ZNF48: variants seen among roughly 807,000 people sequenced by gnomAD.
ZNF48 encodes the protein zinc finger protein 553.
ZNF48 carries 20 observed loss-of-function variants against 40.0 expected under a neutral mutation model. That is an observed-to-expected ratio of 0.50 (90% CI 0.35 to 0.73). The LOEUF (loss-of-function observed/expected upper bound fraction) is 0.73. Among genes scored for constraint, ZNF48 ranks in the 30% least tolerant of loss-of-function variants. ZNF48 has a pLI of 0.01. For synonymous variants in ZNF48, 298 were observed against 329.7 expected (o/e 0.90, Z 1.04); for missense variants, 726 against 851.9 (o/e 0.85, Z 1.84).
Position 30,398,404 on chromosome 16 carries a change from A to G in ZNF48, c.1154A>G (p.Gln385Arg). ...LRHRLTHMEP[Q>R]DFSFPGYPLP... The stretch of plus-strand genomic sequence containing the variant: ...CACCGCCTCACTCACATGGAGCCCC[A>G]GGACTTCAGCTTCCCAGGCTATCCC... The change falls in exon 3 of 3, where the codon CAG (glutamine) becomes CGG (arginine). Residue 385 changes from glutamine (Q) to arginine (R), a missense_variant. Physicochemically the swap from Gln to Arg is conservative, Grantham distance 43. Around this residue, in one of 5 missense-constraint regions of ZNF48, gnomAD observed 378 missense variants for 449.1 expected, o/e 0.84. Coordinates refer to ENST00000613509, the MANE Select transcript of ZNF48 (RefSeq NM_001214909.2). The surrounding 1 kb of genome is among the most constrained non-coding windows in gnomAD (Gnocchi z 6.6). The G allele has an allele frequency of 6.2e-7, 1 of 1,610,094 alleles. No homozygotes were observed. The highest frequency in any genetic ancestry group is 8.5e-7 in the Non-Finnish European group (1 of 1,177,250).
chr16:30,390,028 C>T (rs1480523665), intron 1 of ZNF48, among the ~76,000 whole-genome samples: 2 of 151,412 alleles, frequency 1.3e-5, no homozygotes, highest in Non-Finnish European at 2.9e-5. Context: ...ACTATGTTGG[C>T]CAGGCTGGTC....
At position 30,382,558 on chromosome 16, in the gene ZNF48, C is replaced by G. The variant is rs776208060; in HGVS notation, c.-16+4148C>G. The G allele has an allele frequency of 6.3e-7, 1 of 1,587,580 alleles. No homozygotes were observed. The highest frequency in any genetic ancestry group is 1.1e-5 in the South Asian group (1 of 87,310). ...CGCCAGCCATCACTGCACCTGCCGT[C>G]TCTCCCCACTTCCTCTGGTGGGGCA... is the stretch of plus-strand genomic sequence containing the variant. On this transcript the variant is annotated intron_variant, in intron 1 of 2. Coordinates refer to the ZNF48 transcript ENST00000528032. This position sits in a 1 kb window ranked among gnomAD's most constrained non-coding sequence, Gnocchi z 4.8.
In ZNF48 at chr16:30,381,215, C is replaced by G; in HGVS notation, c.-16+2805C>G. 5 of 1,613,958 alleles carry G rather than the reference C, an allele frequency of 3.1e-6. No individual in the cohort carries two copies. The highest frequency in any genetic ancestry group is 2.2e-5 in the East Asian group (1 of 44,882). On this transcript the variant is annotated intron_variant, in intron 1 of 2. Transcript: ENST00000528032. This position sits in a 1 kb window ranked among gnomAD's most constrained non-coding sequence, Gnocchi z 4.3. ...GATGTTGACTTTCTCGTGTACTGCC[C>G]GGAGGAAGGCCACATCTAGGGGCCG...
intron 1 of ZNF48, among the ~76,000 whole-genome samples, chr16:30,387,902 A>G (rs748097450): frequency 5.3e-5 from 8 of 152,030 alleles, no homozygotes; most frequent in Non-Finnish European, 1.0e-4. Flanking sequence ...TTATATTTAT[A>G]AAAATAGGGT....
Position 30,399,279 on chromosome 16 carries a change from C to A in ZNF48, c.*172C>A. Reference sequence around the variant, plus strand: ...TAACCTTGAAGCTCAGGAAACTGTCCTGGCTGGGCTGAGTCAGGACCTTGC... The same window carrying A: ...TAACCTTGAAGCTCAGGAAACTGTCATGGCTGGGCTGAGTCAGGACCTTGC... On this transcript the variant is annotated 3_prime_UTR_variant, in exon 3 of 3. Coordinates refer to ENST00000613509, the MANE Select transcript of ZNF48 (RefSeq NM_001214909.2). 1 of 704,590 alleles carries A rather than the reference C, an allele frequency of 1.4e-6. No individual in the cohort carries two copies. The highest frequency in any genetic ancestry group is 2.2e-6 in the Non-Finnish European group (1 of 446,642). 43.6% of individuals were successfully genotyped at this position (704,590 alleles called of 1,614,324 possible).
At chr16:30,380,792 G>C (rs2049834819) in intron 1 of ZNF48, 2 of 314,586 alleles carry the variant, frequency 6.4e-6, no homozygotes, top group African/African-American at 2.2e-5. Flanking sequence ...GAGAGAAAGA[G>C]AGGCCGAGAG....
At position 30,398,357 on chromosome 16, in the gene ZNF48, C is replaced by A; in HGVS notation, c.1107C>A (p.Ser369Arg). 6.2e-7 allele frequency: 1 copy of A among 1,613,352 alleles called. No homozygotes were observed. Among genetic ancestry groups the A allele is most frequent in the Non-Finnish European group, 8.5e-7 (1 of 1,179,872 alleles). The change falls in exon 3 of 3, where the codon AGC (serine) becomes AGA (arginine). Residue 369 changes from serine to arginine, a missense_variant. This residue lies in a region of ZNF48 where 378 missense variants were observed against 449.1 expected (regional missense o/e 0.84). Transcript: ENST00000613509. The surrounding 1 kb of genome is among the most constrained non-coding windows in gnomAD (Gnocchi z 6.6). ...HACPECDRTF[S>R]LSSTLLRHRL... ...GCCCGGAATGCGACCGTACCTTCAGCCTCAGCTCCACCCTTCTTCGCCACC... is the reference window on the plus strand; with the variant it reads ...GCCCGGAATGCGACCGTACCTTCAGACTCAGCTCCACCCTTCTTCGCCACC...
At chr16:30,393,999 T>G (rs1186290256), upstream of ZNF48, among the ~76,000 whole-genome samples, 2 of 152,040 alleles carry the variant, frequency 1.3e-5, no homozygotes, top group Non-Finnish European at 1.5e-5. Flanking sequence ...ATTACAGGCA[T>G]GAGCCACTGG....
chr16:30,388,661 G>A (rs954568461), intron 1 of ZNF48, among the ~76,000 whole-genome samples: 1 of 152,056 alleles, frequency 6.6e-6, no homozygotes, highest in Non-Finnish European at 1.5e-5. Context: ...GATCAACGTG[G>A]GTGGATCACC....
chr16:30,382,124 G>T lies in ZNF48; in HGVS notation c.-16+3714G>T. Reference sequence around the variant, plus strand: ...CCTCTGGCACCTGGCGATCCTCATAGAGGTTGGTGAGGAAGAGGCTGTTGA... The same window carrying T: ...CCTCTGGCACCTGGCGATCCTCATATAGGTTGGTGAGGAAGAGGCTGTTGA... On this transcript the variant is annotated intron_variant, in intron 1 of 2. Coordinates refer to the ZNF48 transcript ENST00000528032. The surrounding 1 kb of genome is among the most constrained non-coding windows in gnomAD (Gnocchi z 4.8). 6.3e-7 allele frequency: 1 copy of T among 1,588,202 alleles called. No homozygotes were observed. Among genetic ancestry groups the T allele is most frequent in the Non-Finnish European group, 8.6e-7 (1 of 1,166,918 alleles).
In ZNF48 at chr16:30,381,550, A is replaced by C; in HGVS notation, c.-16+3140A>C. On this transcript the variant is annotated intron_variant, in intron 1 of 2. Transcript: ENST00000528032. The surrounding 1 kb of genome is among the most constrained non-coding windows in gnomAD (Gnocchi z 4.3). ...GGGCAAGGCTAGCCAGGACTGTGGG[A>C]GTAGAATGTCATTTCTTTGGCTCCC... 5 of 1,563,716 alleles carry C rather than the reference A, an allele frequency of 3.2e-6. No homozygotes were observed. The highest frequency in any genetic ancestry group is 4.4e-6 in the Non-Finnish European group (5 of 1,139,938).
chr16:30,399,298 ACCTTGCCAGGACGGGCTGTACC>A lies in ZNF48; in HGVS notation c.*195_*216del. The A allele has an allele frequency of 1.7e-6, 1 of 594,398 alleles. No individual in the cohort carries two copies. The highest frequency in any genetic ancestry group is 2.8e-6 in the Non-Finnish European group (1 of 354,662). The allele number at this position is 594,398 out of a possible 1,614,324, so 36.8% of individuals were successfully genotyped here. ...ACTGTCCTGGCTGGGCTGAGTCAGG[ACCTTGCCAGGACGGGCTGTACC>A]CCTGGCTTCTAGAAGACTGCCTAGC... is the stretch of plus-strand genomic sequence containing the variant. On this transcript the variant is annotated 3_prime_UTR_variant, in exon 3 of 3. Transcript: ENST00000613509.
chr16:30,385,995 A>C (rs2049897908), intron 1 of ZNF48, among the ~76,000 whole-genome samples: 4 of 151,864 alleles, frequency 2.6e-5, no homozygotes, highest in African/African-American at 9.7e-5. Context: ...GATAACATGT[A>C]GGCCAGGCAG....
chr16:30,378,536 T>C (rs761636402), intron 1 of ZNF48: 2 of 1,599,586 alleles, frequency 1.3e-6, no homozygotes, highest in South Asian at 1.1e-5. Context: ...CAGGGCGAGA[T>C]TGCAGGCGGT....
chr16:30,399,025 G>A lies in ZNF48; in HGVS notation c.1775G>A (p.Gly592Glu), dbSNP rs759901959. Residue 592 changes from glycine to glutamate, a missense_variant, in exon 3 of 3, where the codon GGG becomes GAG. By Grantham distance (98) the Gly-to-Glu change is moderately conservative (BLOSUM62 -2). Coordinates refer to ENST00000613509, the MANE Select transcript of ZNF48 (RefSeq NM_001214909.2). ...DSSARIKHQR[G>E]HLVLTPFGIG... ...TCTGCCCGCATCAAGCACCAGCGTG[G>A]GCACCTGGTCCTGACGCCCTTTGGG... 8 of 1,613,900 alleles carry A rather than the reference G, an allele frequency of 5.0e-6. No homozygotes were observed. The South Asian group carries it at 8.8e-5, about 18-fold the overall frequency.
chr16:30,383,037 C>G (rs1023320224), intron 1 of ZNF48: 1 of 533,662 alleles, frequency 1.9e-6, no homozygotes, highest in African/African-American at 1.9e-5. Context: ...AAAAAATTAG[C>G]CAGGCATGTT....
chr16:30,390,451 C>A (rs569857931), upstream of ZNF48, among the ~76,000 whole-genome samples: 1 of 151,896 alleles, frequency 6.6e-6, no homozygotes, highest in East Asian at 1.9e-4. Flanking sequence ...GCTCTGTCGC[C>A]CAGGATGGAG....
At chr16:30,378,873 A>AGAGACG (rs1382127421) in intron 1 of ZNF48, 2 of 487,038 alleles carry the variant, frequency 4.1e-6, no homozygotes, top group African/African-American at 5.5e-5. Flanking sequence ...GGAGAGACGG[A>AGAGACG]GAGAGGGAGG....
At chr16:30,390,693 T>C (rs2151115373), upstream of ZNF48, among the ~76,000 whole-genome samples, 1 of 138,090 alleles carries the variant, frequency 7.2e-6, no homozygotes, top group East Asian at 2.2e-4. Flanking sequence ...TGATCTCGGC[T>C]CACTGCAAGC....
Sources: allele counts gnomAD v4.1 joint callset (sites outside exome capture counted in the v4.1 genomes callset), GRCh38; gene constraint gnomAD v4.1.1; regional missense constraint gnomAD v4.1.1; non-coding constraint Gnocchi (gnomAD v3.1); transcripts MANE v1.5; gene names NCBI Gene and HGNC (gene_info 2026-07-23, HGNC 2026-07-21).